CDH9: variants seen among roughly 807,000 people sequenced by gnomAD.
CDH9 encodes the protein cadherin-9.
A neutral mutation model predicts 70.9 loss-of-function variants in CDH9; 28 were observed. The ratio of observed to expected loss-of-function variants is 0.40; its 90% confidence interval spans 0.29 to 0.54. The LOEUF (loss-of-function observed/expected upper bound fraction) is 0.54, where lower values mean the gene tolerates loss of function less well. CDH9 is among the 20% of genes least tolerant of loss of function. CDH9 has a pLI of 0.59. For missense variants in CDH9, 874 were observed against 984.4 expected (o/e 0.89, Z 1.50); for synonymous variants, 409 against 343.1 (o/e 1.19, Z -2.12).
At chr5:26,946,678 C>T (rs10520930) in intron 2 of CDH9, among the ~76,000 whole-genome samples, 1 of 152,020 alleles carries the variant, frequency 6.6e-6, no homozygotes, top group Non-Finnish European at 1.5e-5. Flanking sequence ...AGCAGTTATT[C>T]TCATCGCTGG....
chr5:26,992,389 AG>A (rs2112096077), intron 1 of CDH9, among the ~76,000 whole-genome samples: 1 of 152,268 alleles, frequency 6.6e-6, no homozygotes, highest in South Asian at 2.1e-4. Context: ...GAGGCATGAG[AG>A]GGTTCTCTTG....
At chr5:26,935,669 G>A (rs985960776) in intron 2 of CDH9, among the ~76,000 whole-genome samples, 3 of 152,144 alleles carry the variant, frequency 2.0e-5, no homozygotes, top group African/African-American at 7.2e-5. Context: ...ATGTAAACCA[G>A]TACAACCACT....
At chr5:26,929,910 T>C (rs989609460) in intron 2 of CDH9, among the ~76,000 whole-genome samples, 4 of 151,946 alleles carry the variant, frequency 2.6e-5, no homozygotes, top group African/African-American at 9.7e-5. Flanking sequence ...TTAGGGGGAA[T>C]GAATAAGATC....
At chr5:26,910,825 G>C (rs908828897) in intron 3 of CDH9, among the ~76,000 whole-genome samples, 2 of 152,122 alleles carry the variant, frequency 1.3e-5, no homozygotes, top group South Asian at 2.1e-4. Flanking sequence ...AGAGTCAACT[G>C]TTTTCTTCTG....
rs77462209 is a variant in CDH9 at position 26,918,413 on chromosome 5, C to T, written c.229-2489G>A. Among the ~76,000 whole-genome samples the T allele has an allele frequency of 4.1e-3, 624 of 152,300 alleles. 2 individuals are homozygous for T. Among genetic ancestry groups the T allele is most frequent in the African/African-American group, 0.015 (609 of 41,580 alleles). Reference sequence around the variant, plus strand: ...ACATTTGATGTAATTGTTTACCATGCCCACTAAACTGTAAAATACATAAGG... The same window carrying T: ...ACATTTGATGTAATTGTTTACCATGTCCACTAAACTGTAAAATACATAAGG... On this transcript the variant is annotated intron_variant, in intron 2 of 11. Coordinates refer to ENST00000231021, the MANE Select transcript of CDH9 (RefSeq NM_016279.4).
intron 2 of CDH9, among the ~76,000 whole-genome samples, chr5:26,931,691 C>A (rs528860123): frequency 2.5e-4 from 38 of 152,146 alleles, no homozygotes; most frequent in Non-Finnish European, 4.4e-4. Context: ...AATTACTACA[C>A]TTAGGAAGTA....
chr5:26,925,971 C>T (rs902347408), intron 2 of CDH9, among the ~76,000 whole-genome samples: 3 of 152,054 alleles, frequency 2.0e-5, no homozygotes, highest in Non-Finnish European at 4.4e-5. Flanking sequence ...TATGACACAC[C>T]CACAGCCAAT....
At chr5:26,976,332 A>G (rs558693523) in intron 2 of CDH9, among the ~76,000 whole-genome samples, 2 of 152,346 alleles carry the variant, frequency 1.3e-5, no homozygotes, top group South Asian at 2.1e-4. Context: ...AGAAGTTGGC[A>G]GAATTTGAGT....
intron 2 of CDH9, among the ~76,000 whole-genome samples, chr5:26,936,863 GCACA>G (rs4052340): frequency 8.3e-6 from 1 of 120,154 alleles, no homozygotes; most frequent in East Asian, 2.3e-4. Context: ...ACACACACAC[GCACA>G]CACACACACA....
chr5:26,988,044 G>T (rs1742516198), intron 2 of CDH9, 62 bp downstream of exon 2: 16 of 1,208,984 alleles, frequency 1.3e-5, no homozygotes, highest in Non-Finnish European at 1.9e-5. Context: ...AAGAAAAGTT[G>T]CTGGAAAAAA....
Position 26,905,963 on chromosome 5 carries a change from G to C in CDH9, c.807C>G (p.Pro269=), listed in dbSNP as rs1740939077. ...GATCACTGAAACATTTCTTACTCTG[G>C]GGAAATCGAGGAGGGTTGTTGTTGA... The part of the protein sequence containing the change: ...TDVNNNPPRF[P]QSTYQFNSPE... Residue 269 remains proline, a synonymous_variant, in exon 5 of 12, where the codon CCC becomes CCG. Coordinates refer to ENST00000231021, the MANE Select transcript of CDH9 (RefSeq NM_016279.4). The C allele has an allele frequency of 6.2e-7, 1 of 1,612,466 alleles. No homozygotes were observed. Among genetic ancestry groups the C allele is most frequent in the Non-Finnish European group, 8.5e-7 (1 of 1,178,828 alleles).
rs1741717097 is a variant in CDH9, at chr5:26,944,650, C to A, written c.229-28726G>T. Among the ~76,000 whole-genome samples the A allele has an allele frequency of 3.3e-5, 5 of 151,988 alleles. 2 individuals are homozygous for A. Among genetic ancestry groups the A allele is most frequent in the Admixed American group, 3.3e-4 (5 of 15,246 alleles). Reference sequence around the variant, plus strand: ...CCTGACAGAGTGAGACACTGTCTCACAAAATAAATAGATAAATAAATAAAA... The same window carrying A: ...CCTGACAGAGTGAGACACTGTCTCAAAAAATAAATAGATAAATAAATAAAA... On this transcript the variant is annotated intron_variant, in intron 2 of 11. Coordinates refer to ENST00000231021, the MANE Select transcript of CDH9 (RefSeq NM_016279.4).
At chr5:26,946,503 G>A (rs1741756305) in intron 2 of CDH9, among the ~76,000 whole-genome samples, 1 of 152,134 alleles carries the variant, frequency 6.6e-6, no homozygotes, top group Admixed American at 6.5e-5. Flanking sequence ...ATGCCAAGAA[G>A]TGAGGCTATG....
intron 2 of CDH9, among the ~76,000 whole-genome samples, chr5:26,921,129 G>T (rs1470469981): frequency 6.6e-6 from 1 of 151,944 alleles, no homozygotes; most frequent in East Asian, 1.9e-4. Context: ...TGAGCAGGAG[G>T]GACAGCACCT....
intron 5 of CDH9, among the ~76,000 whole-genome samples, chr5:26,904,080 A>G (rs1380867547): frequency 6.6e-6 from 1 of 152,004 alleles, no homozygotes; most frequent in African/African-American, 2.4e-5. Context: ...TAGACTATAG[A>G]TGGTAGGCCT....
At chr5:26,964,353 G>A (rs1742091783) in intron 2 of CDH9, among the ~76,000 whole-genome samples, 1 of 152,014 alleles carries the variant, frequency 6.6e-6, no homozygotes, top group African/African-American at 2.4e-5. Context: ...ACTGAGTTAT[G>A]GTGTGTCCTT....
chr5:26,983,819 C>T lies in CDH9; in HGVS notation c.228+4287G>A, dbSNP rs1742443698. ...TGAGATTTTATTTCTATTTCTATTT[C>T]TAATTTATATTCCATCAGTTACTTC... On this transcript the variant is annotated intron_variant, in intron 2 of 11. Coordinates refer to ENST00000231021, the MANE Select transcript of CDH9 (RefSeq NM_016279.4). 2.6e-5 allele frequency among the ~76,000 whole-genome samples: 4 copies of T among 152,016 alleles called. No individual in the cohort carries two copies. The South Asian group carries it at 8.3e-4, about 32-fold the overall frequency.
intron 1 of CDH9, among the ~76,000 whole-genome samples, chr5:27,025,626 C>T (rs531113028): frequency 3.9e-5 from 6 of 152,092 alleles, no homozygotes; most frequent in African/African-American, 1.2e-4. Context: ...AGAAGAAATG[C>T]CATTGTGTAA....
chr5:26,917,615 T>TGCAAG (rs1270676069), intron 2 of CDH9, among the ~76,000 whole-genome samples: 1 of 152,108 alleles, frequency 6.6e-6, no homozygotes, highest in Non-Finnish European at 1.5e-5. Context: ...ACACCTCCTT[T>TGCAAG]GCAAGCTCAG....
Sources: allele counts gnomAD v4.1 joint callset (sites outside exome capture counted in the v4.1 genomes callset), GRCh38; gene constraint gnomAD v4.1.1; transcripts MANE v1.5; gene names NCBI Gene and HGNC (gene_info 2026-07-23, HGNC 2026-07-21).